Variants in GSG1L observed in about 807,000 individuals in gnomAD.
GSG1L encodes germ cell-specific gene 1-like protein.
In GSG1L, 24 loss-of-function variants were observed where a neutral mutation model predicts 42.1. The observed-to-expected ratio is 0.57, with a 90% CI of 0.41 to 0.80. GSG1L has a LOEUF of 0.80. Ranked by LOEUF, GSG1L falls within the 30% of genes least tolerant of loss-of-function variation. GSG1L has a pLI of 0.00. For synonymous variants in GSG1L, 215 were observed against 203.5 expected (o/e 1.06, Z -0.48); for missense variants, 445 against 472.2 (o/e 0.94, Z 0.53).
At chr16:27,971,945 T>A (rs2085198057) in intron 1 of GSG1L, among the ~76,000 whole-genome samples, 1 of 152,184 alleles carries the variant, frequency 6.6e-6, no homozygotes, top group African/African-American at 2.4e-5. Context: ...GAACTTTCGG[T>A]GACTTGCCTA....
At chr16:27,979,798 A>G (rs2085304555) in intron 1 of GSG1L, among the ~76,000 whole-genome samples, 1 of 125,988 alleles carries the variant, frequency 7.9e-6, no homozygotes, top group South Asian at 3.0e-4. Context: ...GAAAGAAAGG[A>G]AAGAAAGAAA....
intron 1 of GSG1L, among the ~76,000 whole-genome samples, chr16:28,009,169 TCTC>T (rs1159768751): frequency 6.6e-6 from 1 of 152,130 alleles, no homozygotes; most frequent in East Asian, 1.9e-4. Flanking sequence ...AGATGCCTGT[TCTC>T]CTCCCTGCTC....
chr16:28,024,464 A>G (rs564812649), intron 1 of GSG1L, among the ~76,000 whole-genome samples: 1 of 152,344 alleles, frequency 6.6e-6, no homozygotes, highest in Non-Finnish European at 1.5e-5. Context: ...AAAATAAAAC[A>G]ATCTAGGAAG....
chr16:28,021,993 C>T (rs1435282394), intron 1 of GSG1L, among the ~76,000 whole-genome samples: 1 of 152,168 alleles, frequency 6.6e-6, no homozygotes, highest in Non-Finnish European at 1.5e-5. Flanking sequence ...TGTGACCTAG[C>T]CTGGGAAGTC....
chr16:28,060,079 G>A (rs933806530), intron 1 of GSG1L, among the ~76,000 whole-genome samples: 4 of 151,936 alleles, frequency 2.6e-5, no homozygotes, highest in Non-Finnish European at 5.9e-5. Flanking sequence ...GTTGGTGTTC[G>A]CATTTGGATG....
In GSG1L at chr16:27,790,963, C is replaced by T; in HGVS notation, c.*407G>A. The T allele has an allele frequency of 5.9e-6, 1 of 169,050 alleles. No individual in the cohort carries two copies. The highest frequency in any genetic ancestry group is 1.3e-5 in the Non-Finnish European group (1 of 79,522). 10.5% of individuals were successfully genotyped at this position (169,050 alleles called of 1,614,324 possible). A position where few individuals can be genotyped will look rare whatever the true frequency, so the allele number is the denominator to read the frequency against. On this transcript the variant is annotated 3_prime_UTR_variant, in exon 7 of 7. Transcript: ENST00000447459. Reference sequence around the variant, plus strand: ...GTGTGACACCCCTGCAGTGCCTGCGCCACTGCCCCCTCCTTCAGGAAGCCA... The same window carrying T: ...GTGTGACACCCCTGCAGTGCCTGCGTCACTGCCCCCTCCTTCAGGAAGCCA...
intron 2 of GSG1L, among the ~76,000 whole-genome samples, chr16:27,888,482 C>CTTT (rs1196322207): frequency 4.8e-4 from 33 of 68,910 alleles, no homozygotes; most frequent in African/African-American, 8.4e-4. Context: ...CTCTCTCTTT[C>CTTT]CTTTCTTTCT....
intron 2 of GSG1L, among the ~76,000 whole-genome samples, chr16:27,914,786 A>G (rs2084432878): frequency 6.6e-6 from 1 of 152,186 alleles, no homozygotes; most frequent in African/African-American, 2.4e-5. Context: ...ATAATAACAT[A>G]TAAATCATGG....
intron 2 of GSG1L, among the ~76,000 whole-genome samples, chr16:27,944,756 A>G (rs2084843674): frequency 6.6e-6 from 1 of 152,080 alleles, no homozygotes; most frequent in South Asian, 2.1e-4. Context: ...TTATGTGCCT[A>G]TAATTAGCAA....
intron 1 of GSG1L, among the ~76,000 whole-genome samples, chr16:28,010,084 C>T (rs1287758398): frequency 6.6e-6 from 1 of 152,092 alleles, no homozygotes; most frequent in Non-Finnish European, 1.5e-5. Context: ...CGGCTTTGCA[C>T]GCGTGAGGAA....
Position 28,026,109 on chromosome 16 carries a change from C to T in GSG1L, c.349+36967G>A, listed in dbSNP as rs79973465. 9.6e-3 allele frequency among the ~76,000 whole-genome samples: 1,464 copies of T among 152,260 alleles called. 26 individuals carry two copies. The highest frequency in any genetic ancestry group is 0.033 in the African/African-American group (1,380 of 41,552). On this transcript the variant is annotated intron_variant, in intron 1 of 6. Coordinates refer to ENST00000447459, the MANE Select transcript of GSG1L (RefSeq NM_001109763.2). ...CCAAACGCCCAGCTAGTCCTCGGCC[C>T]GGGTTTGCCAGAGCCCTGGGCCTGC... is the stretch of plus-strand genomic sequence containing the variant.
At chr16:28,003,277 A>G (rs2085599394) in intron 1 of GSG1L, among the ~76,000 whole-genome samples, 1 of 152,222 alleles carries the variant, frequency 6.6e-6, no homozygotes, top group African/African-American at 2.4e-5. Flanking sequence ...GGAGCTTGAG[A>G]ATGGATGCTT....
chr16:28,044,951 G>C (rs1296336729), intron 1 of GSG1L, among the ~76,000 whole-genome samples: 1 of 152,152 alleles, frequency 6.6e-6, no homozygotes. Context: ...AAATGAAAAA[G>C]CTAGTCTGAA....
rs1167640334 is a variant in GSG1L, at chr16:27,791,184, C to G, written c.*186G>C. Reference sequence around the variant, plus strand: ...CCCTGTGCATTCCCTTGGGCCTGCCCTGGCCCCATTTCCAAGGCCATGGGA... The same window carrying G: ...CCCTGTGCATTCCCTTGGGCCTGCCGTGGCCCCATTTCCAAGGCCATGGGA... On this transcript the variant is annotated 3_prime_UTR_variant, in exon 7 of 7. Transcript: ENST00000447459. 2 of 406,790 alleles carry G rather than the reference C, an allele frequency of 4.9e-6. No individual in the cohort carries two copies. The highest frequency in any genetic ancestry group is 8.7e-6 in the Non-Finnish European group (2 of 230,936). 25.2% of individuals were successfully genotyped at this position (406,790 alleles called of 1,614,324 possible).
At chr16:28,056,031 T>C (rs980493821) in intron 1 of GSG1L, among the ~76,000 whole-genome samples, 7 of 152,034 alleles carry the variant, frequency 4.6e-5, no homozygotes, top group Admixed American at 1.3e-4. Context: ...TCCACGGGAA[T>C]GACAGGCACG....
At chr16:27,870,705 C>G (rs2083809242) in intron 3 of GSG1L, among the ~76,000 whole-genome samples, 1 of 151,576 alleles carries the variant, frequency 6.6e-6, no homozygotes, top group Admixed American at 6.5e-5. Flanking sequence ...TGCTCTTGCC[C>G]TCATGGGATG....
At chr16:27,899,772 A>T (rs951333062) in intron 2 of GSG1L, among the ~76,000 whole-genome samples, 2 of 152,106 alleles carry the variant, frequency 1.3e-5, no homozygotes, top group African/African-American at 4.8e-5. Context: ...CCCAGGGTTC[A>T]CTCCCGATAG....
At position 27,839,200 on chromosome 16, in the gene GSG1L, A is replaced by C. The variant is rs74013566; in HGVS notation, c.662+5750T>G. 4.7e-3 allele frequency among the ~76,000 whole-genome samples: 722 copies of C among 152,316 alleles called. 5 individuals are homozygous for C. The highest frequency in any genetic ancestry group is 0.017 in the African/African-American group (693 of 41,574). On this transcript the variant is annotated intron_variant, in intron 4 of 6. Coordinates refer to ENST00000447459, the MANE Select transcript of GSG1L (RefSeq NM_001109763.2). ...AGTGAGGCCTATATTCCACAGGGAC[A>C]GGGCCCCAGAAACAGAAAGGGGCCA...
intron 2 of GSG1L, among the ~76,000 whole-genome samples, chr16:27,905,209 G>T (rs756985103): frequency 6.6e-6 from 1 of 152,032 alleles, no homozygotes; most frequent in Non-Finnish European, 1.5e-5. Flanking sequence ...AGCCGAGCAT[G>T]GTCTCCAACC....
Sources: allele counts gnomAD v4.1 joint callset (sites outside exome capture counted in the v4.1 genomes callset), GRCh38; gene constraint gnomAD v4.1.1; transcripts MANE v1.5; gene names NCBI Gene and HGNC (gene_info 2026-07-23, HGNC 2026-07-21).